DLC1: variants seen among roughly 807,000 people sequenced by gnomAD.
DLC1 encodes the protein DLC1 Rho GTPase activating protein.
DLC1 carries 54 observed loss-of-function variants against 140.3 expected under a neutral mutation model. The ratio of observed to expected loss-of-function variants is 0.38; its 90% confidence interval spans 0.31 to 0.48. The LOEUF (loss-of-function observed/expected upper bound fraction) is 0.48, where lower values mean the gene tolerates loss of function less well. Ranked by LOEUF, DLC1 falls within the 20% of genes least tolerant of loss-of-function variation. The pLI is 0.96. For synonymous variants in DLC1, 986 were observed against 728.1 expected (o/e 1.35, Z -5.70); for missense variants, 2,536 against 1,907.0 (o/e 1.33, Z -6.14).
chr8:13,511,832 C>A (rs1395514510), intron 1 of DLC1, among the ~76,000 whole-genome samples: 2 of 152,062 alleles, frequency 1.3e-5, no homozygotes, highest in Non-Finnish European at 2.9e-5. Context: ...CATTTTATAA[C>A]ACTGACATCA....
At chr8:13,131,443 T>C (rs567484567) in intron 5 of DLC1, among the ~76,000 whole-genome samples, 57 of 152,180 alleles carry the variant, frequency 3.7e-4, no homozygotes, top group Non-Finnish European at 7.2e-4. Flanking sequence ...CTAGGCTGCA[T>C]TCCTCTATGT....
intron 5 of DLC1, among the ~76,000 whole-genome samples, chr8:13,280,303 A>G (rs972959332): frequency 6.6e-6 from 1 of 151,028 alleles, no homozygotes; most frequent in Non-Finnish European, 1.5e-5. Context: ...AAAAAAAAAA[A>G]AAAAAAAGAA....
At chr8:13,318,367 A>G (rs757801170) in intron 4 of DLC1, among the ~76,000 whole-genome samples, 5 of 152,172 alleles carry the variant, frequency 3.3e-5, no homozygotes, top group Non-Finnish European at 7.3e-5. Context: ...CCAAAGGGAT[A>G]GTGTTACTAT....
rs1554522998 is a variant in DLC1 at position 13,453,387 on chromosome 8, G to GATATATATATATATGTGTGTATAT, written c.1023+45661_1023+45662insATATACACACATATATATATATAT. ...TTACTAAAAGAATAAGATGGCCCAG[G>GATATATATATATATGTGTGTATAT]ATATATATATATATGTGTATATATA... On this transcript the variant is annotated intron_variant, in intron 2 of 17. Transcript: ENST00000276297. Among the ~76,000 whole-genome samples the GATATATATATATATGTGTGTATAT allele has an allele frequency of 2.2e-3, 113 of 52,434 alleles. 3 individuals are homozygous for GATATATATATATATGTGTGTATAT. The highest frequency in any genetic ancestry group is 4.2e-3 in the Admixed American group (14 of 3,326). The allele number at this position is 52,434 out of a possible 152,430, so 34.4% of individuals were successfully genotyped here.
chr8:13,430,933 T>C (rs768541835), intron 2 of DLC1, among the ~76,000 whole-genome samples: 16 of 152,204 alleles, frequency 1.1e-4, no homozygotes, highest in Non-Finnish European at 1.6e-4. Flanking sequence ...ACATGGCATG[T>C]ATGGCTAATT....
At chr8:13,135,287 T>G (rs1308025105) in intron 5 of DLC1, among the ~76,000 whole-genome samples, 3 of 151,030 alleles carry the variant, frequency 2.0e-5, no homozygotes, top group Non-Finnish European at 4.4e-5. Flanking sequence ...TTCACGCCAT[T>G]CTCCTGCCTC....
chr8:13,147,372 C>T (rs753501331), intron 5 of DLC1, among the ~76,000 whole-genome samples: 11 of 152,288 alleles, frequency 7.2e-5, no homozygotes, highest in Admixed American at 1.3e-4. Context: ...TTTCTCTGTG[C>T]TAACAGCATT....
chr8:13,491,733 C>T (rs949741729), intron 2 of DLC1, among the ~76,000 whole-genome samples: 1 of 152,148 alleles, frequency 6.6e-6, no homozygotes, highest in Non-Finnish European at 1.5e-5. Flanking sequence ...CTTCTTCCCT[C>T]ATGTCCTGAT....
intron 5 of DLC1, among the ~76,000 whole-genome samples, chr8:13,182,551 T>A (rs1826103781): frequency 6.6e-6 from 1 of 152,222 alleles, no homozygotes; most frequent in South Asian, 2.1e-4. Context: ...CTAGCCAGTT[T>A]TCCCAGCACC....
At chr8:13,097,960 G>C (rs1280654950) in intron 10 of DLC1, among the ~76,000 whole-genome samples, 1 of 148,720 alleles carries the variant, frequency 6.7e-6, no homozygotes, top group Non-Finnish European at 1.5e-5. Flanking sequence ...GAGGCAGGTG[G>C]ATCTCTTGAG....
At chr8:13,100,896 A>T in intron 8 of DLC1, 126 bp from the exon 9 acceptor site, 2 of 954,906 alleles carry the variant, frequency 2.1e-6, no homozygotes, top group South Asian at 3.0e-5. Context: ...CATGATTTTA[A>T]TTTTAAAGTT....
chr8:13,324,043 T>C (rs1262803526), intron 4 of DLC1, among the ~76,000 whole-genome samples: 1 of 152,208 alleles, frequency 6.6e-6, no homozygotes, highest in Non-Finnish European at 1.5e-5. Flanking sequence ...TGGGGACAGA[T>C]CTGTTACTTA....
intron 5 of DLC1, among the ~76,000 whole-genome samples, chr8:13,294,586 G>C (rs191666339): frequency 6.6e-6 from 1 of 152,272 alleles, no homozygotes. Context: ...TTATGCAGAA[G>C]CAACTTCAGG....
chr8:13,423,047 A>T (rs557772469), intron 2 of DLC1, among the ~76,000 whole-genome samples: 50 of 152,200 alleles, frequency 3.3e-4, no homozygotes, highest in African/African-American at 1.2e-3. Context: ...GTGATGTAAG[A>T]CTCTAGCTCT....
intron 1 of DLC1, among the ~76,000 whole-genome samples, chr8:13,599,338 TA>T (rs1204051964): frequency 6.6e-6 from 1 of 151,934 alleles, no homozygotes; most frequent in Non-Finnish European, 1.5e-5. Context: ...AATAATAAAT[TA>T]TTAAAAATTA....
chr8:13,584,930 A>T (rs1490768612), intron 1 of DLC1, among the ~76,000 whole-genome samples: 2 of 151,936 alleles, frequency 1.3e-5, no homozygotes, highest in African/African-American at 2.4e-5. Flanking sequence ...AATCTCTTAC[A>T]CCTCTAATCC....
At chr8:13,570,892 A>T (rs1025924365) in intron 1 of DLC1, among the ~76,000 whole-genome samples, 1 of 152,070 alleles carries the variant, frequency 6.6e-6, no homozygotes, top group African/African-American at 2.4e-5. Flanking sequence ...AGACTAACCT[A>T]CCAGACCCCT....
intron 2 of DLC1, among the ~76,000 whole-genome samples, chr8:13,493,905 C>T (rs903898610): frequency 6.6e-6 from 1 of 151,990 alleles, no homozygotes; most frequent in Non-Finnish European, 1.5e-5. Context: ...GTCCTTTTAC[C>T]AAATGTTTGC....
chr8:13,381,274 C>T (rs909286723), intron 4 of DLC1, among the ~76,000 whole-genome samples: 6 of 152,092 alleles, frequency 3.9e-5, no homozygotes, highest in African/African-American at 1.4e-4. Context: ...GAAGCCTCAG[C>T]CGGGAGAAGA....
Sources: allele counts gnomAD v4.1 joint callset (sites outside exome capture counted in the v4.1 genomes callset), GRCh38; gene constraint gnomAD v4.1.1; transcripts MANE v1.5; gene names NCBI Gene and HGNC (gene_info 2026-07-23, HGNC 2026-07-21).